Variants in ADAM18 observed in about 807,000 individuals in gnomAD.
The protein encoded by ADAM18 is disintegrin and metalloproteinase domain-containing protein 18.
In ADAM18, 117 loss-of-function variants were observed where a neutral mutation model predicts 94.4. The ratio of observed to expected loss-of-function variants is 1.24; its 90% CI spans 1.07 to 1.45. The LOEUF is 1.45. ADAM18 is among the 40% of genes most tolerant of loss of function. ADAM18 has a pLI of 0.00. For missense variants in ADAM18, 936 were observed against 880.0 expected (o/e 1.06, Z -0.81); for synonymous variants, 327 against 291.6 (o/e 1.12, Z -1.24).
In ADAM18 at chr8:39,609,106, T is replaced by C. The variant is rs1248798295; in HGVS notation, c.253T>C (p.Ser85Pro). 1 of 1,586,652 alleles carries C rather than the reference T, an allele frequency of 6.3e-7. No individual in the cohort carries two copies. Among genetic ancestry groups the C allele is most frequent in the Admixed American group, 1.8e-5 (1 of 56,736 alleles). Reference sequence around the variant, plus strand: ...TGAAACTGGATCTTTGCATTCTGTGTCTCCATATTTTATGGTAAAGTAAGA... The same window carrying C: ...TGAAACTGGATCTTTGCATTCTGTGCCTCCATATTTTATGGTAAAGTAAGA... ...YNETGSLHSVSPYFMMHCHYQ... is the reference protein window; with the variant it reads ...YNETGSLHSVPPYFMMHCHYQ... The change falls in exon 4 of 20, where the codon TCT (serine) becomes CCT (proline). Residue 85 changes from serine to proline, a missense_variant. By Grantham distance (74) the Ser-to-Pro change is moderately conservative. Transcript: ENST00000265707.
intron 7 of ADAM18, among the ~76,000 whole-genome samples, chr8:39,635,705 A>G (rs1338679460): frequency 6.6e-6 from 1 of 152,132 alleles, no homozygotes; most frequent in Non-Finnish European, 1.5e-5. Flanking sequence ...CTGTGGCATT[A>G]CTATGATCTT....
chr8:39,638,474 A>G lies in ADAM18; in HGVS notation c.837A>G (p.Lys279=). Reference sequence around the variant, plus strand: ...AATTATAATAATGTAGTTACAGGAAACATCCTAAATATGTGGGAGCAACAT... The same window carrying G: ...AATTATAATAATGTAGTTACAGGAAGCATCCTAAATATGTGGGAGCAACAT... ...HDIAYLLVYR[K]HPKYVGATFP... The change falls in exon 10 of 20, where the codon AAA becomes AAG. Residue 279 remains lysine, a synonymous_variant. Transcript: ENST00000265707. 6.4e-7 allele frequency: 1 copy of G among 1,560,022 alleles called. No individual in the cohort carries two copies. The highest frequency in any genetic ancestry group is 8.7e-7 in the Non-Finnish European group (1 of 1,150,464).
Position 39,645,477 on chromosome 8 carries a change from A to C in ADAM18, c.1046+3A>C. 1 of 1,599,046 alleles carries C rather than the reference A, an allele frequency of 6.3e-7. No individual in the cohort carries two copies. The highest frequency in any genetic ancestry group is 8.5e-7 in the Non-Finnish European group (1 of 1,175,926). ...TGCATCATGAATCATGAAGCAGTGT[A>C]AGATGTTTTCTTAATTAATTTCATT... On this transcript the variant is annotated splice_donor_region_variant and intron_variant, in intron 11 of 19. Coordinates refer to ENST00000265707, the MANE Select transcript of ADAM18 (RefSeq NM_014237.3).
chr8:39,662,862 T>C (rs1037177857), intron 12 of ADAM18, among the ~76,000 whole-genome samples: 1 of 152,180 alleles, frequency 6.6e-6, no homozygotes, highest in African/African-American at 2.4e-5. Flanking sequence ...TGACCTCAAG[T>C]GATCTGCCCA....
At chr8:39,696,722 A>G (rs1821937045) in intron 17 of ADAM18, among the ~76,000 whole-genome samples, 1 of 151,492 alleles carries the variant, frequency 6.6e-6, no homozygotes, top group African/African-American at 2.4e-5. Context: ...CCATTTGTCT[A>G]TATGTCTGTC....
At chr8:39,641,749 G>T (rs1344419755) in intron 10 of ADAM18, among the ~76,000 whole-genome samples, 1 of 151,988 alleles carries the variant, frequency 6.6e-6, no homozygotes, top group Admixed American at 6.6e-5. Context: ...TATTTAGAAT[G>T]ATTTATATTC....
chr8:39,584,648 C>T lies in ADAM18; in HGVS notation c.26C>T (p.Thr9Ile). 6.2e-7 allele frequency: 1 copy of T among 1,613,474 alleles called. No individual in the cohort carries two copies. The highest frequency in any genetic ancestry group is 8.5e-7 in the Non-Finnish European group (1 of 1,180,038). MFLLLALL[T>I]ELGRLQAHEG... ...ATGTTCCTTCTCCTCGCCCTCCTCACTGAGCTTGGAAGACTGCAAGCCCAC... is the reference window on the plus strand; with the variant it reads ...ATGTTCCTTCTCCTCGCCCTCCTCATTGAGCTTGGAAGACTGCAAGCCCAC... Residue 9 changes from threonine (T) to isoleucine (I), a missense_variant, in exon 1 of 20, where the codon ACT becomes ATT. By Grantham distance (89) the Thr-to-Ile change is moderately conservative. Coordinates refer to ENST00000265707, the MANE Select transcript of ADAM18 (RefSeq NM_014237.3).
intron 18 of ADAM18, among the ~76,000 whole-genome samples, chr8:39,707,137 A>G (rs532778317): frequency 3.3e-5 from 5 of 152,304 alleles, no homozygotes; most frequent in Admixed American, 6.5e-5. Context: ...AAGATCATCA[A>G]TCAGGCTCAG....
intron 6 of ADAM18, chr8:39,611,339 G>A (rs932595105): frequency 3.0e-5 from 20 of 673,680 alleles, no homozygotes; most frequent in Non-Finnish European, 3.3e-5. Context: ...GGATCTCTTT[G>A]TGTTTACCAT....
chr8:39,673,061 T>C (rs112522378), intron 14 of ADAM18, among the ~76,000 whole-genome samples: 14 of 152,292 alleles, frequency 9.2e-5, no homozygotes, highest in African/African-American at 3.1e-4. Flanking sequence ...TAACCGCCTG[T>C]TTCAAGAAAT....
chr8:39,689,894 C>T (rs1317003233), intron 16 of ADAM18, among the ~76,000 whole-genome samples: 1 of 152,048 alleles, frequency 6.6e-6, no homozygotes, highest in Non-Finnish European at 1.5e-5. Flanking sequence ...TTGTAGCTCT[C>T]CTTGTAGAGA....
chr8:39,697,492 TAAAAGGTAGTG>T (rs1184811381), intron 17 of ADAM18, among the ~76,000 whole-genome samples: 1 of 151,806 alleles, frequency 6.6e-6, no homozygotes, highest in East Asian at 1.9e-4. Flanking sequence ...CTGGTTGATT[TAAAAGGTAGTG>T]AATTTTTTCA....
At chr8:39,668,947 A>G (rs1196186596) in intron 14 of ADAM18, among the ~76,000 whole-genome samples, 1 of 152,098 alleles carries the variant, frequency 6.6e-6, no homozygotes, top group African/African-American at 2.4e-5. Context: ...AATAAATTTC[A>G]GATTAGGAGG....
At chr8:39,598,410 G>T (rs1259276673) in intron 2 of ADAM18, among the ~76,000 whole-genome samples, 6 of 151,844 alleles carry the variant, frequency 4.0e-5, no homozygotes, top group African/African-American at 1.2e-4. Flanking sequence ...CTTTATTAAG[G>T]TTAGAACATG....
intron 16 of ADAM18, among the ~76,000 whole-genome samples, chr8:39,684,941 C>G (rs961340199): frequency 6.6e-6 from 1 of 152,138 alleles, no homozygotes; most frequent in Middle Eastern, 3.2e-3. Flanking sequence ...ACTCTGATTA[C>G]TGGTGCCTGC....
chr8:39,639,233 C>T lies in ADAM18; in HGVS notation c.909+687C>T, dbSNP rs575738817. On this transcript the variant is annotated intron_variant, in intron 10 of 19. Transcript: ENST00000265707. ...AGATCAAAAAATAGAATATTATCAACACTTCAGAAGGTACTTGTGAATCAT... is the reference window on the plus strand; with the variant it reads ...AGATCAAAAAATAGAATATTATCAATACTTCAGAAGGTACTTGTGAATCAT... 2.6e-4 allele frequency among the ~76,000 whole-genome samples: 40 copies of T among 152,030 alleles called. 1 individual carries two copies. The South Asian group carries it at 8.1e-3, about 31-fold the overall frequency.
chr8:39,692,770 T>C, intron 17 of ADAM18, 90 bp downstream of exon 17: 1 of 1,014,862 alleles, frequency 9.9e-7, no homozygotes, highest in Non-Finnish European at 1.5e-6. Flanking sequence ...CTAGGTTGAC[T>C]TGCCTAGCTC....
intron 17 of ADAM18, among the ~76,000 whole-genome samples, chr8:39,702,025 A>G (rs1229647131): frequency 6.6e-6 from 1 of 152,178 alleles, no homozygotes; most frequent in Non-Finnish European, 1.5e-5. Context: ...TGCTGGGTTG[A>G]ATGGGATTTC....
At chr8:39,670,281 G>A (rs1821118767) in intron 14 of ADAM18, among the ~76,000 whole-genome samples, 1 of 152,052 alleles carries the variant, frequency 6.6e-6, no homozygotes, top group Admixed American at 6.6e-5. Context: ...TATAATATAT[G>A]TTCTAGGATC....
Sources: gnomAD v4.1 joint callset for allele counts (sites outside exome capture counted in the v4.1 genomes callset) on GRCh38, gnomAD v4.1.1 for gene constraint, MANE v1.5 for transcripts, NCBI Gene and HGNC (gene_info 2026-07-23, HGNC 2026-07-21) for gene names.